The following RANBP2 variants were observed in gnomAD, a reference collection of about 807,000 sequenced individuals.
The protein encoded by RANBP2 is RAN binding protein 2, also known as E3 SUMO-protein ligase RanBP2.
Under a neutral mutation model 303.6 loss-of-function variants are expected in RANBP2, and 57 were observed. The observed-to-expected ratio is 0.19, with a 90% CI of 0.15 to 0.23. RANBP2 has a LOEUF of 0.23. Among genes scored for constraint, RANBP2 ranks in the 10% least tolerant of loss-of-function variants. The pLI is 1.00. For synonymous variants in RANBP2, 1,167 were observed against 1,301.5 expected (o/e 0.90, Z 2.23); for missense variants, 3,138 against 3,780.8 (o/e 0.83, Z 4.46).
At chr2:108,896,751 AG>A in the RANBP2 span, 1 of 689,844 alleles carries the variant, frequency 1.4e-6, no homozygotes, top group East Asian at 2.7e-5. Context: ...ATTGGAAGAC[AG>A]GCCTTATTTC....
At chr2:109,347,177 G>A in the RANBP2 span, among the ~76,000 whole-genome samples, 8 of 152,228 alleles carry the variant, frequency 5.3e-5, no homozygotes, top group Non-Finnish European at 7.3e-5. Context: ...CTTGCTAGAA[G>A]TCTGGCAGCT....
chr2:108,865,316 T>G, the RANBP2 span, among the ~76,000 whole-genome samples: 1 of 152,182 alleles, frequency 6.6e-6, no homozygotes, highest in East Asian at 1.9e-4. Context: ...TATACAAAAC[T>G]TAAGTGTGTA....
chr2:109,006,400 T>TCA, the RANBP2 span, among the ~76,000 whole-genome samples: 8 of 152,038 alleles, frequency 5.3e-5, no homozygotes, highest in African/African-American at 1.9e-4. Context: ...TTCACTATGT[T>TCA]GGCCAGGCTG....
chr2:109,614,620 G>T, the RANBP2 span: 1 of 1,460,956 alleles, frequency 6.8e-7, no homozygotes, highest in Non-Finnish European at 9.0e-7. Context: ...GCCCTAGGCG[G>T]CGAACCGGAG....
chr2:108,837,186 C>T, the RANBP2 span, among the ~76,000 whole-genome samples: 1 of 151,920 alleles, frequency 6.6e-6, no homozygotes, highest in Admixed American at 6.6e-5. Context: ...TTATATATAG[C>T]CTTTATTATA....
intron 5 of RANBP2, 82 bp from the exon 6 acceptor site, chr2:108,736,022 A>G: frequency 1.2e-6 from 2 of 1,610,502 alleles, no homozygotes; most frequent in Non-Finnish European, 1.7e-6. Flanking sequence ...TTGGAGTGAG[A>G]AAAGGAATTT....
chr2:109,261,205 G>A, the RANBP2 span, among the ~76,000 whole-genome samples: 2 of 152,098 alleles, frequency 1.3e-5, no homozygotes, highest in African/African-American at 4.8e-5. Flanking sequence ...GCCCTTTGTA[G>A]TTGCATAGGT....
the RANBP2 span, among the ~76,000 whole-genome samples, chr2:109,121,568 G>A: frequency 6.6e-6 from 1 of 152,190 alleles, no homozygotes; most frequent in Non-Finnish European, 1.5e-5. Context: ...CATCTGTAAA[G>A]CATTTTGCAA....
the RANBP2 span, among the ~76,000 whole-genome samples, chr2:109,158,133 C>T: frequency 6.6e-6 from 1 of 152,010 alleles, no homozygotes; most frequent in Non-Finnish European, 1.5e-5. Flanking sequence ...AGTAAGGTGC[C>T]AAGACAGGAC....
chr2:109,760,731 G>A, the RANBP2 span, among the ~76,000 whole-genome samples: 2 of 145,036 alleles, frequency 1.4e-5, no homozygotes, highest in Non-Finnish European at 1.5e-5. Context: ...GGACAGCTTC[G>A]ACTTAGCCCT....
intron 6 of RANBP2, among the ~76,000 whole-genome samples, chr2:108,737,673 G>T (rs528868753): frequency 8.7e-4 from 130 of 149,838 alleles, no homozygotes; most frequent in African/African-American, 2.7e-3. Flanking sequence ...CTCTGCCTCC[G>T]GAATAGGTGG....
downstream of RANBP2, among the ~76,000 whole-genome samples, chr2:108,789,907 T>C (rs1447258155): frequency 6.6e-6 from 1 of 152,236 alleles, no homozygotes; most frequent in East Asian, 1.9e-4. Flanking sequence ...AGAAATGCTA[T>C]GGGTATCAAG....
the RANBP2 span, among the ~76,000 whole-genome samples, chr2:109,008,631 G>A: frequency 3.3e-5 from 5 of 151,648 alleles, no homozygotes; most frequent in Non-Finnish European, 7.4e-5. Context: ...GGCTGGGTGC[G>A]GTGGCTCACA....
chr2:108,749,546 C>T (rs558399077), intron 9 of RANBP2, among the ~76,000 whole-genome samples: 1 of 152,118 alleles, frequency 6.6e-6, no homozygotes, highest in African/African-American at 2.4e-5. Context: ...GATCCACCTG[C>T]CTTGGCCTCC....
the RANBP2 span, among the ~76,000 whole-genome samples, chr2:109,305,913 T>C: frequency 5.9e-5 from 9 of 152,192 alleles, no homozygotes; most frequent in Non-Finnish European, 1.3e-4. Context: ...CTCTGCCCTT[T>C]GGGCTGCTCC....
chr2:109,667,807 CA>C, the RANBP2 span: 1 of 187,152 alleles, frequency 5.3e-6, no homozygotes, highest in South Asian at 1.6e-4. Context: ...GCTCTGAGTA[CA>C]GTGTGCAGTC....
At chr2:108,722,595 GTCTTC>G (rs1174697760) in intron 1 of RANBP2, among the ~76,000 whole-genome samples, 3 of 147,652 alleles carry the variant, frequency 2.0e-5, no homozygotes, top group African/African-American at 7.9e-5. Flanking sequence ...TCATTTGTTA[GTCTTC>G]TCTTGTTTTG....
chr2:109,130,053 G>A, the RANBP2 span: 9 of 1,367,036 alleles, frequency 6.6e-6, no homozygotes, highest in Non-Finnish European at 6.6e-6. Flanking sequence ...CCGCGGCCGC[G>A]GGCAGCACCG....
chr2:109,340,248 C>T, the RANBP2 span, among the ~76,000 whole-genome samples: 36 of 152,206 alleles, frequency 2.4e-4, no homozygotes, highest in South Asian at 4.1e-4. Flanking sequence ...AATTTCCTAT[C>T]GGTAAAGTGC....
Sources: gnomAD v4.1 joint callset for allele counts (sites outside exome capture counted in the v4.1 genomes callset) on GRCh38, gnomAD v4.1.1 for gene constraint, MANE v1.5 for transcripts, NCBI Gene and HGNC (gene_info 2026-07-23, HGNC 2026-07-21) for gene names.